ZNF599: variants seen among roughly 807,000 people sequenced by gnomAD.
The protein encoded by ZNF599 is zinc finger protein 599.
ZNF599 carries 10 observed loss-of-function variants against 11.7 expected under a neutral mutation model. That is an observed-to-expected ratio of 0.86 (90% CI 0.53 to 1.45). The LOEUF (loss-of-function observed/expected upper bound fraction) is 1.45, where lower values mean the gene tolerates loss of function less well. Ranked by LOEUF, ZNF599 falls within the 40% of genes most tolerant of loss-of-function variation. ZNF599 has a pLI of 0.00. For missense variants in ZNF599, 688 were observed against 713.6 expected, an observed-to-expected ratio of 0.96 and a Z score of 0.41; for synonymous variants, 232 against 253.2, an observed-to-expected ratio of 0.92 and a Z score of 0.79.
rs763391343 is a variant in ZNF599, at chr19:34,759,354, C to T, written c.1447G>A (p.Glu483Lys). The change falls in exon 4 of 4, where the codon GAA becomes AAA. Residue 483 changes from glutamate (E) to lysine (K), a missense_variant. Transcript: ENST00000329285. ...HSGQKPLECK[E>K]CAKAFYYSSS... ...CTATAGTAAAAGGCTTTTGCACATT[C>T]TTTGCACTCCAAGGGTTTTTGTCCA... The T allele has an allele frequency of 1.9e-5, 31 of 1,613,976 alleles. No individual in the cohort carries two copies. Among genetic ancestry groups the T allele is most frequent in the Non-Finnish European group, 2.5e-5 (29 of 1,179,986 alleles).
chr19:34,798,964 T>C, the ZNF599 span, among the ~76,000 whole-genome samples: 2 of 152,304 alleles, frequency 1.3e-5, no homozygotes, highest in East Asian at 1.9e-4. Flanking sequence ...CTGTAGTTTG[T>C]CTTTCCCAGA....
chr19:34,807,282 A>G, the ZNF599 span, among the ~76,000 whole-genome samples: 1 of 152,194 alleles, frequency 6.6e-6, no homozygotes, highest in African/African-American at 2.4e-5. Flanking sequence ...TGAAAGTAGG[A>G]GTCCGGCGGG....
At chr19:34,799,677 T>C in the ZNF599 span, among the ~76,000 whole-genome samples, 4 of 152,202 alleles carry the variant, frequency 2.6e-5, no homozygotes, top group Non-Finnish European at 4.4e-5. Context: ...AGGACTCATG[T>C]CCATATAAGA....
In ZNF599 at chr19:34,760,658, C is replaced by T. The variant is rs891914062; in HGVS notation, c.242-99G>A. ...AGAAGAATGAAGGTGAAAACAGTGT[C>T]TCTGATGCCTACTGCATTTTTACAT... is the stretch of plus-strand genomic sequence containing the variant. On this transcript the variant is annotated intron_variant, in intron 3 of 3. Coordinates refer to ENST00000329285, the MANE Select transcript of ZNF599 (RefSeq NM_001007248.3). 3.8e-6 allele frequency: 4 copies of T among 1,058,758 alleles called. No homozygotes were observed. In the Admixed American group the frequency reaches 1.1e-4, roughly 30 times the overall value. The allele number at this position is 1,058,758 out of a possible 1,614,324, so 65.6% of individuals were successfully genotyped here.
chr19:34,784,111 T>C, the ZNF599 span, among the ~76,000 whole-genome samples: 3 of 152,188 alleles, frequency 2.0e-5, no homozygotes, highest in Non-Finnish European at 2.9e-5. Flanking sequence ...AATGAAGACG[T>C]TGGTAGGGCC....
At chr19:34,772,731 A>C (rs1049256287) in intron 1 of ZNF599, 93 bp downstream of exon 1, 19 of 1,529,070 alleles carry the variant, frequency 1.2e-5, no homozygotes, top group Non-Finnish European at 1.6e-5. Flanking sequence ...CAAAAGGGAG[A>C]AGCACAGAGT....
rs772363016 is a variant in ZNF599 at position 34,759,555 on chromosome 19, T to C, written c.1246A>G (p.Thr416Ala). The C allele has an allele frequency of 1.9e-6, 3 of 1,613,962 alleles. No homozygotes were observed. The South Asian group carries it at 3.3e-5, about 18-fold the overall frequency. ...HRSTFIRHKR[T>A]HTGEKPFECK... is the part of the protein sequence containing the mutation. Reference sequence around the variant, plus strand: ...TCAAAGGGCTTCTCTCCGGTATGGGTCCTCTTATGTCGGATGAAAGTGGAG... The same window carrying C: ...TCAAAGGGCTTCTCTCCGGTATGGGCCCTCTTATGTCGGATGAAAGTGGAG... Residue 416 changes from threonine (T) to alanine (A), a missense_variant, in exon 4 of 4, where the codon ACC (threonine) becomes GCC (alanine). Thr to Ala is a moderately conservative substitution (Grantham distance 58, BLOSUM62 0). Coordinates refer to ENST00000329285, the MANE Select transcript of ZNF599 (RefSeq NM_001007248.3).
chr19:34,773,301 C>T (rs2069199062), upstream of ZNF599: 1 of 165,554 alleles, frequency 6.0e-6, no homozygotes, highest in Admixed American at 6.4e-5. Context: ...TGTAGCACTG[C>T]CTTCTGGGTA....
In ZNF599 at chr19:34,767,421, G is replaced by T. The variant is rs758924449; in HGVS notation, c.146-10C>A. The T allele has an allele frequency of 7.5e-6, 12 of 1,607,578 alleles. No individual in the cohort carries two copies. The highest frequency in any genetic ancestry group is 1.0e-5 in the Non-Finnish European group (12 of 1,174,234). ...TTGGGAACAGGATGCCCTGTGCATG[G>T]AGAAACAAATGGAGTATGGTGTACA... On this transcript the variant is annotated splice_polypyrimidine_tract_variant and intron_variant, in intron 2 of 3. Transcript: ENST00000329285.
rs142778619 is a variant in ZNF599, at chr19:34,759,881, C to T, written c.920G>A (p.Arg307Gln). The change falls in exon 4 of 4, where the codon CGA (arginine) becomes CAA (glutamine). Residue 307 changes from arginine (R) to glutamine (Q), a missense_variant. By Grantham distance (43) the Arg-to-Gln change is conservative. Coordinates refer to ENST00000329285, the MANE Select transcript of ZNF599 (RefSeq NM_001007248.3). ...TTCTTTGCATAAAAAGGGTTTTTCT[C>T]GAGTGTGAGTCATATTATGCTGGAT... Reference protein sequence around the residue: ...SFIQHNMTHTREKPFLCKECG... With the variant: ...SFIQHNMTHTQEKPFLCKECG... 3.2e-5 allele frequency: 51 copies of T among 1,613,950 alleles called. No individual in the cohort carries two copies. Among genetic ancestry groups the T allele is most frequent in the Admixed American group, 5.0e-5 (3 of 59,982 alleles).
At chr19:34,777,038 T>C (rs2069218798), upstream of ZNF599, among the ~76,000 whole-genome samples, 1 of 151,572 alleles carries the variant, frequency 6.6e-6, no homozygotes, top group Non-Finnish European at 1.5e-5. Context: ...ATCCCTGTTT[T>C]AGATAGTCCT....
chr19:34,783,335 C>T, the ZNF599 span, among the ~76,000 whole-genome samples: 1 of 152,136 alleles, frequency 6.6e-6, no homozygotes, highest in Non-Finnish European at 1.5e-5. Flanking sequence ...TGTGGTTTCA[C>T]AGAAAGGAAG....
At chr19:34,791,416 C>A in the ZNF599 span, among the ~76,000 whole-genome samples, 1 of 152,166 alleles carries the variant, frequency 6.6e-6, no homozygotes, top group Non-Finnish European at 1.5e-5. Context: ...CTGTGTGGAC[C>A]TGTGTGGATC....
rs779944857 is a variant in ZNF599 at position 34,759,398 on chromosome 19, C to T, written c.1403G>A (p.Arg468Gln). Reference protein sequence around the residue: ...KAFTHHSVFIRHNRTHSGQKP... With the variant: ...KAFTHHSVFIQHNRTHSGQKP... ...TTGTCCACTGTGGGTCCTATTATGT[C>T]GAATAAAAACAGAGTGGTGTGTAAA... The change falls in exon 4 of 4, where the codon CGA (arginine) becomes CAA (glutamine). Residue 468 changes from arginine (R) to glutamine (Q), a missense_variant. By Grantham distance (43) the Arg-to-Gln change is conservative. Coordinates refer to ENST00000329285, the MANE Select transcript of ZNF599 (RefSeq NM_001007248.3). 2.7e-5 allele frequency: 44 copies of T among 1,613,776 alleles called. No homozygotes were observed. The highest frequency in any genetic ancestry group is 5.5e-5 in the South Asian group (5 of 91,086).
At chr19:34,802,575 C>T in the ZNF599 span, among the ~76,000 whole-genome samples, 2 of 152,186 alleles carry the variant, frequency 1.3e-5, no homozygotes, top group South Asian at 2.1e-4. Flanking sequence ...GTAAGATGTG[C>T]AATACAGAGA....
At chr19:34,790,263 C>G in the ZNF599 span, among the ~76,000 whole-genome samples, 3 of 152,154 alleles carry the variant, frequency 2.0e-5, no homozygotes, top group Non-Finnish European at 4.4e-5. Flanking sequence ...CCTCCAGTGT[C>G]CTATGATGTA....
In ZNF599 at chr19:34,760,410, G is replaced by C. The variant is rs763359187; in HGVS notation, c.391C>G (p.Gln131Glu). The C allele has an allele frequency of 6.2e-7, 1 of 1,614,052 alleles. No individual in the cohort carries two copies. The highest frequency in any genetic ancestry group is 1.7e-5 in the Admixed American group (1 of 60,018). ...GTTCCTGGCCTCAAGTTCCCTTCCT[G>C]AATTTTTATTAGCTTTTCCTCATCT... ...ARDEEKLIKI[Q>E]EGNLRPGTNP... Residue 131 changes from glutamine to glutamate, a missense_variant, in exon 4 of 4, where the codon CAG becomes GAG. Physicochemically the swap from Gln to Glu is conservative, Grantham distance 29. Transcript: ENST00000329285.
At chr19:34,762,819 T>C (rs2069120546) in intron 3 of ZNF599, 1 of 152,254 alleles carries the variant, frequency 6.6e-6, no homozygotes, top group Non-Finnish European at 1.5e-5. Flanking sequence ...CTTTTATTTT[T>C]TTGAGGTTTA....
At chr19:34,789,130 T>C in the ZNF599 span, among the ~76,000 whole-genome samples, 1 of 152,194 alleles carries the variant, frequency 6.6e-6, no homozygotes, top group Admixed American at 6.5e-5. Flanking sequence ...TTTACTCCTA[T>C]GACTTTTTTA....
Sources: allele counts gnomAD v4.1 joint callset (sites outside exome capture counted in the v4.1 genomes callset), GRCh38; gene constraint gnomAD v4.1.1; transcripts MANE v1.5; gene names NCBI Gene and HGNC (gene_info 2026-07-23, HGNC 2026-07-21).